RASAL2: variants seen among roughly 807,000 people sequenced by gnomAD.
RASAL2 encodes the protein ras GTPase-activating protein nGAP.
RASAL2 carries 58 observed loss-of-function variants against 128.9 expected under a neutral mutation model. The ratio of observed to expected loss-of-function variants is 0.45; its 90% CI spans 0.36 to 0.56. The LOEUF (loss-of-function observed/expected upper bound fraction) is 0.56, where lower values mean the gene tolerates loss of function less well. RASAL2 is among the 20% of genes least tolerant of loss of function. The pLI is 0.00. For synonymous variants in RASAL2, 561 were observed against 580.8 expected (o/e 0.97, Z 0.49); for missense variants, 1,360 against 1,601.6 (o/e 0.85, Z 2.57).
chr1:178,289,305 C>G (rs188333871), intron 2 of RASAL2, among the ~76,000 whole-genome samples: 2 of 152,266 alleles, frequency 1.3e-5, no homozygotes, highest in South Asian at 4.1e-4. Context: ...TCCTGCCTCT[C>G]TGGAAGTTTC....
chr1:178,219,085 G>A (rs945409286), intron 1 of RASAL2, among the ~76,000 whole-genome samples: 2 of 152,216 alleles, frequency 1.3e-5, no homozygotes, highest in African/African-American at 4.8e-5. Context: ...AGCACTTGCT[G>A]CTTTACCTTG....
intron 1 of RASAL2, among the ~76,000 whole-genome samples, chr1:178,159,605 T>C (rs1171056625): frequency 6.6e-6 from 1 of 152,176 alleles, no homozygotes; most frequent in East Asian, 1.9e-4. Flanking sequence ...AACTTGTTTT[T>C]GTTTTTGCTT....
At chr1:178,152,014 T>C (rs2101879747) in intron 1 of RASAL2, among the ~76,000 whole-genome samples, 1 of 152,280 alleles carries the variant, frequency 6.6e-6, no homozygotes, top group Non-Finnish European at 1.5e-5. Flanking sequence ...AGTGTTTTGT[T>C]AGTCATAAGA....
chr1:178,265,345 G>A (rs901967226), intron 1 of RASAL2, among the ~76,000 whole-genome samples: 3 of 152,034 alleles, frequency 2.0e-5, no homozygotes, highest in South Asian at 2.1e-4. Context: ...TGCAACCTCC[G>A]CCTCCTGGGT....
At chr1:178,253,989 GGTTGTCCATT>G (rs1665189627) in intron 1 of RASAL2, among the ~76,000 whole-genome samples, 1 of 152,126 alleles carries the variant, frequency 6.6e-6, no homozygotes, top group South Asian at 2.1e-4. Context: ...ACTATCCAAT[GGTTGTCCATT>G]CTTTTTGAAA....
chr1:178,200,171 T>C (rs1011523670), intron 1 of RASAL2, among the ~76,000 whole-genome samples: 1 of 152,124 alleles, frequency 6.6e-6, no homozygotes, highest in African/African-American at 2.4e-5. Flanking sequence ...AATACAAATT[T>C]TGGTACCAAG....
intron 17 of RASAL2, 115 bp from the exon 18 acceptor site, chr1:178,472,959 TG>T: frequency 1.6e-6 from 2 of 1,218,882 alleles, no homozygotes; most frequent in Non-Finnish European, 2.3e-6. Context: ...TCCATTTGTC[TG>T]GGAAGCACCA....
chr1:178,398,473 G>A (rs1290258008), intron 4 of RASAL2, among the ~76,000 whole-genome samples: 5 of 152,102 alleles, frequency 3.3e-5, no homozygotes, highest in African/African-American at 1.2e-4. Flanking sequence ...CCTATATGTG[G>A]GTTTGTTTAG....
chr1:178,230,579 T>C (rs1448111658), intron 1 of RASAL2, among the ~76,000 whole-genome samples: 1 of 152,180 alleles, frequency 6.6e-6, no homozygotes, highest in Non-Finnish European at 1.5e-5. Flanking sequence ...TCTGAGTTAC[T>C]GGTGGTGCAC....
chr1:178,441,356 G>C (rs951767632), intron 6 of RASAL2, among the ~76,000 whole-genome samples, 193 bp from the exon 7 acceptor site: 2 of 152,086 alleles, frequency 1.3e-5, no homozygotes, highest in African/African-American at 4.8e-5. Flanking sequence ...TCGCTCATTA[G>C]GTTATTTTTG....
intron 1 of RASAL2, among the ~76,000 whole-genome samples, chr1:178,252,141 G>C (rs1031423686): frequency 6.6e-6 from 1 of 152,072 alleles, no homozygotes; most frequent in Non-Finnish European, 1.5e-5. Flanking sequence ...TCCACTTTGA[G>C]ATTATGATTG....
At chr1:178,271,774 T>C (rs1051345350) in intron 1 of RASAL2, among the ~76,000 whole-genome samples, 3 of 152,200 alleles carry the variant, frequency 2.0e-5, no homozygotes, top group Non-Finnish European at 4.4e-5. Flanking sequence ...AGGATAAAAA[T>C]CAACCTCCTT....
At chr1:178,424,036 A>C (rs1376613721) in intron 5 of RASAL2, among the ~76,000 whole-genome samples, 5 of 152,064 alleles carry the variant, frequency 3.3e-5, no homozygotes. Flanking sequence ...TATCTGATCA[A>C]ATTTGATCAG....
chr1:178,238,526 A>C (rs902799274), intron 1 of RASAL2, among the ~76,000 whole-genome samples: 3 of 152,128 alleles, frequency 2.0e-5, no homozygotes, highest in Admixed American at 1.3e-4. Flanking sequence ...TTATCTGAAC[A>C]TGTAATGGTG....
chr1:178,162,411 T>A (rs1191021186), intron 1 of RASAL2, among the ~76,000 whole-genome samples: 9 of 118,152 alleles, frequency 7.6e-5, no homozygotes, highest in African/African-American at 2.4e-4. Flanking sequence ...ATTTTATATA[T>A]TATATATAAT....
chr1:178,339,426 A>G (rs1669752637), intron 3 of RASAL2, among the ~76,000 whole-genome samples: 1 of 152,222 alleles, frequency 6.6e-6, no homozygotes, highest in Admixed American at 6.5e-5. Context: ...TTCCTGCAGC[A>G]TGAGTGAGTT....
chr1:178,339,464 A>C (rs1669756367), intron 3 of RASAL2, among the ~76,000 whole-genome samples: 1 of 152,168 alleles, frequency 6.6e-6, no homozygotes, highest in Non-Finnish European at 1.5e-5. Context: ...AGCACGAGTA[A>C]ATGCTTCACT....
chr1:178,210,576 A>G (rs1323421589), intron 1 of RASAL2, among the ~76,000 whole-genome samples: 4 of 152,198 alleles, frequency 2.6e-5, no homozygotes, highest in Non-Finnish European at 5.9e-5. Flanking sequence ...GTCTTATCCT[A>G]CTTTGCGGGA....
intron 1 of RASAL2, among the ~76,000 whole-genome samples, chr1:178,270,244 C>G (rs1666185262): frequency 6.6e-6 from 1 of 151,988 alleles, no homozygotes; most frequent in South Asian, 2.1e-4. Context: ...GGGTTTCGAT[C>G]TAGAAACTCA....
Sources: gnomAD v4.1 joint callset for allele counts (sites outside exome capture counted in the v4.1 genomes callset) on GRCh38, gnomAD v4.1.1 for gene constraint, MANE v1.5 for transcripts, NCBI Gene and HGNC (gene_info 2026-07-23, HGNC 2026-07-21) for gene names.